ANO9: variants seen among roughly 807,000 people sequenced by gnomAD.
ANO9 encodes the protein anoctamin 9, also known as anoctamin-9.
In ANO9, 80 loss-of-function variants were observed where a neutral mutation model predicts 100.5. The ratio of observed to expected loss-of-function variants is 0.80; its 90% confidence interval spans 0.66 to 0.96. ANO9 has a LOEUF of 0.96. Among genes scored for constraint, ANO9 ranks in the 40% least tolerant of loss-of-function variants. The pLI is 0.00. For synonymous variants in ANO9, 473 were observed against 435.6 expected (o/e 1.09, Z -1.07); for missense variants, 1,064 against 1,072.7 (o/e 0.99, Z 0.11).
chr11:420,722 C>A lies in ANO9; in HGVS notation c.1629G>T (p.Glu543Asp). 1 of 1,608,060 alleles carries A rather than the reference C, an allele frequency of 6.2e-7. No individual in the cohort carries two copies. Among genetic ancestry groups the A allele is most frequent in the Non-Finnish European group, 8.5e-7 (1 of 1,178,132 alleles). The change falls in exon 18 of 23, where the codon GAG becomes GAT. Residue 543 changes from glutamate (E) to aspartate (D), a missense_variant. Coordinates refer to ENST00000332826, the MANE Select transcript of ANO9 (RefSeq NM_001012302.3). ...CGCCCCGCAGCGCCCACGCACTCATCTCCATGAACTCGTCGAACAGGCTGA... is the reference window on the plus strand; with the variant it reads ...CGCCCCGCAGCGCCCACGCACTCATATCCATGAACTCGTCGAACAGGCTGA... The part of the protein sequence containing the change: ...NTFSLFDEFM[E>D]MMIQYGFTTI...
intron 3 of ANO9, 95 bp from the exon 4 acceptor site, chr11:433,554 C>T (rs12576389): frequency 0.2 from 295,605 of 1,466,142 alleles, 31,586 homozygotes; most frequent in African/African-American, 0.4. Flanking sequence ...TCAGAACCCT[C>T]CCCCCTCTAT....
At position 441,999 on chromosome 11, in the gene ANO9, C is replaced by T; in HGVS notation, c.-73G>A. ...GGCTGCCAGCGGCGGGTGCTCCTAC[C>T]TGACTTCCGCGTGGGGCTCGCCCCT... is the stretch of plus-strand genomic sequence containing the variant. On this transcript the variant is annotated 5_prime_UTR_variant, in exon 1 of 23. Transcript: ENST00000332826. The T allele has an allele frequency of 6.4e-7, 1 of 1,570,440 alleles. No individual in the cohort carries two copies. Among genetic ancestry groups the T allele is most frequent in the Non-Finnish European group, 8.6e-7 (1 of 1,165,028 alleles).
intron 12 of ANO9, 33 bp from the exon 13 acceptor site, chr11:428,672 G>A (rs1345812188): frequency 3.7e-5 from 59 of 1,611,862 alleles, no homozygotes; most frequent in Non-Finnish European, 4.7e-5. Context: ...GGGGGCCGGG[G>A]AGGGCATGCA....
At chr11:419,831 C>A in intron 19 of ANO9, 102 bp from the exon 20 acceptor site, 2 of 1,533,746 alleles carry the variant, frequency 1.3e-6, no homozygotes. Flanking sequence ...TGTCTCTGTG[C>A]GTGGTGTCCC....
At chr11:425,496 A>G (rs73402515) in intron 15 of ANO9, among the ~76,000 whole-genome samples, 2,536 of 152,122 alleles carry the variant, frequency 0.017, 76 homozygotes, top group African/African-American at 0.057. Context: ...GCTGTACAAT[A>G]AATGTTACAA....
intron 1 of ANO9, among the ~76,000 whole-genome samples, chr11:438,994 C>T (rs995350263): frequency 2.0e-5 from 3 of 152,166 alleles, no homozygotes; most frequent in Non-Finnish European, 2.9e-5. Flanking sequence ...AGAGGGAGGC[C>T]GGCTCTGGGT....
chr11:418,158 G>C lies in ANO9; in HGVS notation c.*213C>G, dbSNP rs1442304259. On this transcript the variant is annotated 3_prime_UTR_variant, in exon 23 of 23. Transcript: ENST00000332826. The stretch of plus-strand genomic sequence containing the variant: ...GTGCCCAGGGTCACCCAGAGTTCAA[G>C]TCAGGGCTGTGCCAAGCCTGAGAGC... 5.2e-6 allele frequency: 3 copies of C among 579,796 alleles called. No individual in the cohort carries two copies. Among genetic ancestry groups the C allele is most frequent in the Non-Finnish European group, 9.0e-6 (3 of 332,336 alleles). The allele number at this position is 579,796 out of a possible 1,614,324, so 35.9% of individuals were successfully genotyped here.
At chr11:426,352 G>C (rs1420671387) in intron 15 of ANO9, among the ~76,000 whole-genome samples, 1 of 152,054 alleles carries the variant, frequency 6.6e-6, no homozygotes, top group African/African-American at 2.4e-5. Context: ...CAGGAGGATT[G>C]CTTGAGCCCA....
chr11:424,193 C>T (rs1382933009), intron 15 of ANO9, among the ~76,000 whole-genome samples: 2 of 152,128 alleles, frequency 1.3e-5, no homozygotes, highest in African/African-American at 4.8e-5. Flanking sequence ...TGCACCTGGC[C>T]CACAGTTGAA....
chr11:428,584 G>C lies in ANO9; in HGVS notation c.1076C>G (p.Ser359Cys). Residue 359 changes from serine (S) to cysteine (C), a missense_variant, in exon 13 of 23, where the codon TCC becomes TGC. Physicochemically the swap from Ser to Cys is moderately radical, Grantham distance 112. Coordinates refer to ENST00000332826, the MANE Select transcript of ANO9 (RefSeq NM_001012302.3). ...CACGGCCGAGCTGCTGAAGAGCGCG[G>C]AGGCCAGGACGCGGTAGACCACCAG... ...HVLVVYRVLASALFSSSAVPF... is the reference protein window; with the variant it reads ...HVLVVYRVLACALFSSSAVPF... 2 of 1,612,646 alleles carry C rather than the reference G, an allele frequency of 1.2e-6. No individual in the cohort carries two copies. Among genetic ancestry groups the C allele is most frequent in the Non-Finnish European group, 8.5e-7 (1 of 1,179,910 alleles).
chr11:433,738 C>A, intron 3 of ANO9, 77 bp downstream of exon 3: 1 of 1,501,290 alleles, frequency 6.7e-7, no homozygotes. Context: ...GGCACCCGCC[C>A]CAGCCCCATG....
intron 1 of ANO9, among the ~76,000 whole-genome samples, chr11:436,063 CTTTTTTTTT>C (rs10707508): frequency 1.0e-5 from 1 of 99,282 alleles, no homozygotes; most frequent in East Asian, 3.6e-4. Context: ...CTTTTCTTTC[CTTTTTTTTT>C]TTTTTTTTTT....
In ANO9 at chr11:421,226, C is replaced by G; in HGVS notation, c.1335-28G>C. ...GGGGAGGAAGGGGAAGTCTGGGGCA[C>G]TGCGGGCAGCGCCCTGCCTCTGACA... is the stretch of plus-strand genomic sequence containing the variant. On this transcript the variant is annotated intron_variant, in intron 15 of 22. Coordinates refer to ENST00000332826, the MANE Select transcript of ANO9 (RefSeq NM_001012302.3). This position sits in a 1 kb window ranked among gnomAD's most constrained non-coding sequence, Gnocchi z 6.8. 1 of 1,503,820 alleles carries G rather than the reference C, an allele frequency of 6.6e-7. No homozygotes were observed. Among genetic ancestry groups the G allele is most frequent in the Non-Finnish European group, 8.9e-7 (1 of 1,123,958 alleles). The allele number at this position is 1,503,820 out of a possible 1,614,324, so 93.2% of individuals were successfully genotyped here.
In ANO9 at chr11:428,574, G is replaced by C; in HGVS notation, c.1086C>G (p.Phe362Leu). 1 of 1,612,676 alleles carries C rather than the reference G, an allele frequency of 6.2e-7. No homozygotes were observed. The highest frequency in any genetic ancestry group is 8.5e-7 in the Non-Finnish European group (1 of 1,179,914). The change falls in exon 13 of 23, where the codon TTC becomes TTG. Residue 362 changes from phenylalanine to leucine, a missense_variant. By Grantham distance (22) the Phe-to-Leu change is conservative. Transcript: ENST00000332826. ...VVYRVLASAL[F>L]SSSAVPFLEE... Reference sequence around the variant, plus strand: ...CCAGGAAGGGCACGGCCGAGCTGCTGAAGAGCGCGGAGGCCAGGACGCGGT... The same window carrying C: ...CCAGGAAGGGCACGGCCGAGCTGCTCAAGAGCGCGGAGGCCAGGACGCGGT...
chr11:425,467 A>T (rs1848455594), intron 15 of ANO9, among the ~76,000 whole-genome samples: 1 of 151,900 alleles, frequency 6.6e-6, no homozygotes, highest in Non-Finnish European at 1.5e-5. Context: ...AGATAAAGAA[A>T]CTCCAGGAAA....
Position 418,011 on chromosome 11 carries a change from C to A in ANO9, c.*360G>T, listed in dbSNP as rs1847949693. On this transcript the variant is annotated 3_prime_UTR_variant, in exon 23 of 23. Transcript: ENST00000332826. Reference sequence around the variant, plus strand: ...CAGCGAGGTGGGCTCAGGACACCCCCAACAGCCAGGATGGGGGCACGGCAG... The same window carrying A: ...CAGCGAGGTGGGCTCAGGACACCCCAAACAGCCAGGATGGGGGCACGGCAG... The A allele has an allele frequency of 3.5e-6, 1 of 288,882 alleles. No individual in the cohort carries two copies. The highest frequency in any genetic ancestry group is 2.2e-5 in the African/African-American group (1 of 45,568). 17.9% of individuals were successfully genotyped at this position (288,882 alleles called of 1,614,324 possible).
chr11:428,050 C>G (rs375996529), intron 15 of ANO9, 38 bp downstream of exon 15: 2 of 1,391,624 alleles, frequency 1.4e-6, no homozygotes, highest in South Asian at 1.2e-5. Flanking sequence ...AACAAGCCCT[C>G]GTGAGTTGGG....
chr11:421,372 A>G lies in ANO9; in HGVS notation c.1335-174T>C, dbSNP rs1467571076. ...GAACCGCACCCGCACGTGGGCACGC[A>G]CACACACACACACACACACAGGGGA... On this transcript the variant is annotated intron_variant, in intron 15 of 22. Transcript: ENST00000332826. The surrounding 1 kb of genome is among the most constrained non-coding windows in gnomAD (Gnocchi z 6.8). 7.6e-5 allele frequency: 15 copies of G among 197,506 alleles called. No individual in the cohort carries two copies. Among genetic ancestry groups the G allele is most frequent in the South Asian group, 1.8e-4 (2 of 10,938 alleles). 12.2% of individuals were successfully genotyped at this position (197,506 alleles called of 1,614,324 possible).
rs995860361 is a variant in ANO9 at position 422,805 on chromosome 11, T to C, written c.1335-1607A>G. Among the ~76,000 whole-genome samples the C allele has an allele frequency of 6.6e-6, 1 of 151,998 alleles. No individual in the cohort carries two copies. The highest frequency in any genetic ancestry group is 1.5e-5 in the Non-Finnish European group (1 of 68,004). ...TGGAAATAATGTATCATTTTACTTA[T>C]ACAATCTTAAGCCAAGTCCCACAGA... On this transcript the variant is annotated intron_variant, in intron 15 of 22. Transcript: ENST00000332826. This position sits in a 1 kb window ranked among gnomAD's most constrained non-coding sequence, Gnocchi z 4.3.
Sources: allele counts gnomAD v4.1 joint callset (sites outside exome capture counted in the v4.1 genomes callset), GRCh38; gene constraint gnomAD v4.1.1; non-coding constraint Gnocchi (gnomAD v3.1); transcripts MANE v1.5; gene names NCBI Gene and HGNC (gene_info 2026-07-23, HGNC 2026-07-21).